The following FRMPD1 variants were observed in gnomAD, a reference collection of about 807,000 sequenced individuals.
FRMPD1 encodes the protein FERM and PDZ domain-containing protein 1.
In FRMPD1, 76 loss-of-function variants were observed where a neutral mutation model predicts 117.8. That is an observed-to-expected ratio of 0.65 (90% confidence interval 0.54 to 0.78). FRMPD1 has a LOEUF of 0.78. Ranked by LOEUF, FRMPD1 falls within the 30% of genes least tolerant of loss-of-function variation. The pLI is 0.00. For missense variants in FRMPD1, 1,786 were observed against 1,964.5 expected, an observed-to-expected ratio of 0.91 and a Z score of 1.72; for synonymous variants, 783 against 770.4, an observed-to-expected ratio of 1.02 and a Z score of -0.27.
At chr9:37,725,650 G>A (rs1294705034) in intron 7 of FRMPD1, among the ~76,000 whole-genome samples, 2 of 152,190 alleles carry the variant, frequency 1.3e-5, no homozygotes, top group African/African-American at 4.8e-5. Context: ...AAGCAATGGA[G>A]GAATAGACTT....
chr9:37,636,752 C>A, the FRMPD1 span: 1 of 1,600,014 alleles, frequency 6.2e-7, no homozygotes, highest in Admixed American at 1.8e-5. Context: ...GGGCCGCTCG[C>A]CCCCGGAGGC....
chr9:37,638,016 C>CTT, the FRMPD1 span, among the ~76,000 whole-genome samples: 3 of 122,106 alleles, frequency 2.5e-5, 1 homozygote, highest in East Asian at 8.8e-4. Flanking sequence ...TTCTTTCTTT[C>CTT]TTTCTTTCTC....
the FRMPD1 span, among the ~76,000 whole-genome samples, chr9:37,606,742 A>G: frequency 6.6e-6 from 1 of 152,226 alleles, no homozygotes; most frequent in African/African-American, 2.4e-5. Flanking sequence ...CTTGCCACAG[A>G]TCAGCTTGAC....
chr9:37,736,844 TGTGAGTGC>T (rs888074404), intron 13 of FRMPD1, among the ~76,000 whole-genome samples: 7 of 149,958 alleles, frequency 4.7e-5, no homozygotes, highest in African/African-American at 1.7e-4. Context: ...TGAGTGAGTG[TGTGAGTGC>T]GTGAGAGTGT....
rs771400627 is a variant in FRMPD1 at position 37,740,258 on chromosome 9, G to C, written c.1730G>C (p.Gly577Ala). The C allele has an allele frequency of 6.2e-7, 1 of 1,613,928 alleles. No individual in the cohort carries two copies. The highest frequency in any genetic ancestry group is 1.1e-5 in the South Asian group (1 of 91,084). The change falls in exon 15 of 16, where the codon GGG (glycine) becomes GCG (alanine). Residue 577 changes from glycine to alanine, a missense_variant. Transcript: ENST00000377765. This position sits in a 1 kb window ranked among gnomAD's most constrained non-coding sequence, Gnocchi z 4.2. ...EVARRGPSTCGASSTTDSAES... is the reference protein window; with the variant it reads ...EVARRGPSTCAASSTTDSAES... ...GCTAGGAGGGGCCCCAGCACCTGCG[G>C]GGCCAGCAGCACGACAGACAGTGCC... is the stretch of plus-strand genomic sequence containing the variant.
At chr9:37,637,970 TTCTTTCTTTCTTTC>T in the FRMPD1 span, among the ~76,000 whole-genome samples, 8 of 83,848 alleles carry the variant, frequency 9.5e-5, no homozygotes, top group African/African-American at 1.9e-4. Context: ...TATGCTTTCT[TTCTTTCTTTCTTTC>T]TTTCTTTCTT....
the FRMPD1 span, among the ~76,000 whole-genome samples, chr9:37,632,173 T>C: frequency 6.6e-6 from 1 of 152,242 alleles, no homozygotes; most frequent in Non-Finnish European, 1.5e-5. Context: ...TGTCATTAGT[T>C]ATGCTTCTAC....
the FRMPD1 span, among the ~76,000 whole-genome samples, chr9:37,640,137 C>T: frequency 2.0e-5 from 3 of 152,096 alleles, no homozygotes; most frequent in East Asian, 1.9e-4. Flanking sequence ...AATTGGATAC[C>T]GATACCTCAC....
Position 37,733,809 on chromosome 9 carries a change from T to G in FRMPD1, c.1202T>G (p.Phe401Cys). The change falls in exon 12 of 16, where the codon TTT becomes TGT. Residue 401 changes from phenylalanine to cysteine, a missense_variant. By Grantham distance (205) the Phe-to-Cys change is radical (BLOSUM62 -2). Coordinates refer to ENST00000377765, the MANE Select transcript of FRMPD1 (RefSeq NM_014907.3). Reference protein sequence around the residue: ...GELKTYGGRIFNATLMLQDRE... With the variant: ...GELKTYGGRICNATLMLQDRE... ...CTCAAGACATATGGTGGAAGAATCT[T>G]TAATGCTACTTTAATGGTATGTATT... The G allele has an allele frequency of 6.4e-7, 1 of 1,551,452 alleles. No individual in the cohort carries two copies. Among genetic ancestry groups the G allele is most frequent in the Non-Finnish European group, 8.9e-7 (1 of 1,123,098 alleles).
At chr9:37,739,429 G>A (rs1433058246) in intron 14 of FRMPD1, among the ~76,000 whole-genome samples, 2 of 152,112 alleles carry the variant, frequency 1.3e-5, no homozygotes, top group Admixed American at 1.3e-4. Flanking sequence ...GGAATAAAGA[G>A]ATTGCAACCT....
intron 5 of FRMPD1, among the ~76,000 whole-genome samples, chr9:37,714,237 A>G (rs1208983992): frequency 6.6e-6 from 1 of 152,240 alleles, no homozygotes; most frequent in Admixed American, 6.5e-5. Context: ...TTAGCTGGTT[A>G]TCATCTCATT....
In FRMPD1 at chr9:37,732,363, C is replaced by G. The variant is rs1399362425; in HGVS notation, c.918C>G (p.Leu306=). The G allele has an allele frequency of 6.2e-7, 1 of 1,613,750 alleles. No individual in the cohort carries two copies. The highest frequency in any genetic ancestry group is 8.5e-7 in the Non-Finnish European group (1 of 1,179,944). The part of the protein sequence containing the change: ...FAVEMKCSSA[L]RLAALHIQER... ...TAGAAATGAAATGTAGCTCTGCACTCCGACTCGCGGCTCTGCACATCCAGG... is the reference window on the plus strand; with the variant it reads ...TAGAAATGAAATGTAGCTCTGCACTGCGACTCGCGGCTCTGCACATCCAGG... The change falls in exon 10 of 16, where the codon CTC becomes CTG. Residue 306 remains leucine (L), a synonymous_variant. Coordinates refer to ENST00000377765, the MANE Select transcript of FRMPD1 (RefSeq NM_014907.3).
rs1410282975 is a variant in FRMPD1 at position 37,746,402 on chromosome 9, A to G, written c.4370A>G (p.Glu1457Gly). 1 of 1,613,150 alleles carries G rather than the reference A, an allele frequency of 6.2e-7. No homozygotes were observed. The highest frequency in any genetic ancestry group is 1.7e-5 in the Admixed American group (1 of 59,998). Residue 1457 changes from glutamate to glycine, a missense_variant, in exon 16 of 16, where the codon GAA becomes GGA. By Grantham distance (98) the Glu-to-Gly change is moderately conservative. Coordinates refer to ENST00000377765, the MANE Select transcript of FRMPD1 (RefSeq NM_014907.3). ...PPEKCTWHFT[E>G]SRSRLCMGSQ... is the part of the protein sequence containing the mutation. ...GAGAAGTGCACCTGGCACTTTACCG[A>G]AAGCCGGAGCCGCCTCTGCATGGGC...
At chr9:37,678,504 A>G (rs984085579) in intron 1 of FRMPD1, among the ~76,000 whole-genome samples, 4 of 151,790 alleles carry the variant, frequency 2.6e-5, no homozygotes, top group Admixed American at 6.6e-5. Context: ...CAAGTGATCC[A>G]CCTACCTCAG....
At chr9:37,733,432 C>T in intron 10 of FRMPD1, 41 bp from the exon 11 acceptor site, 1 of 1,599,736 alleles carries the variant, frequency 6.3e-7, no homozygotes, top group Non-Finnish European at 8.5e-7. Flanking sequence ...GCCAAGTACC[C>T]TGTAGAAATG....
chr9:37,661,594 C>T (rs754931002), intron 1 of FRMPD1, among the ~76,000 whole-genome samples: 3 of 152,166 alleles, frequency 2.0e-5, no homozygotes, highest in Non-Finnish European at 4.4e-5. Context: ...TGTCCTAATT[C>T]CTCAAGCTTA....
At chr9:37,736,236 C>T (rs1332068654) in intron 13 of FRMPD1, among the ~76,000 whole-genome samples, 10 of 151,838 alleles carry the variant, frequency 6.6e-5, no homozygotes, top group Admixed American at 5.9e-4. Flanking sequence ...CTCCTGACCT[C>T]GTGATCCACC....
the FRMPD1 span, among the ~76,000 whole-genome samples, chr9:37,643,431 C>T: frequency 6.6e-6 from 1 of 152,180 alleles, no homozygotes; most frequent in South Asian, 2.1e-4. Context: ...TCTCCTTTTT[C>T]ATCTTTCAGA....
At chr9:37,613,125 T>G in the FRMPD1 span, among the ~76,000 whole-genome samples, 3,282 of 152,336 alleles carry the variant, frequency 0.022, 115 homozygotes, top group African/African-American at 0.074. Flanking sequence ...ACCTACCATG[T>G]GCAGGACATT....
Sources: allele counts gnomAD v4.1 joint callset (sites outside exome capture counted in the v4.1 genomes callset), GRCh38; gene constraint gnomAD v4.1.1; non-coding constraint Gnocchi (gnomAD v3.1); transcripts MANE v1.5; gene names NCBI Gene and HGNC (gene_info 2026-07-23, HGNC 2026-07-21).